FREM2: variants seen among roughly 807,000 people sequenced by gnomAD.
The protein encoded by FREM2 is FRAS1-related extracellular matrix protein 2.
FREM2 carries 119 observed loss-of-function variants against 219.9 expected under a neutral mutation model. The ratio of observed to expected loss-of-function variants is 0.54; its 90% confidence interval spans 0.47 to 0.63. FREM2 has a LOEUF of 0.63. FREM2 is among the 30% of genes least tolerant of loss of function. The probability of loss-of-function intolerance (pLI) is 0.00; values close to 1 mark genes in which losing one functional copy is unlikely to be tolerated. For synonymous variants in FREM2, 1,562 were observed against 1,522.8 expected (o/e 1.03, Z -0.60); for missense variants, 4,030 against 3,993.6 (o/e 1.01, Z -0.25).
intron 11 of FREM2, 31 bp downstream of exon 11, chr13:38,851,899 G>A (rs1323007403): frequency 6.3e-7 from 1 of 1,580,694 alleles, no homozygotes; most frequent in South Asian, 1.1e-5. Context: ...GTCTCCTGAT[G>A]GATCATGCCA....
chr13:38,877,007 G>A (rs1413403643), intron 20 of FREM2, 110 bp from the exon 21 acceptor site: 1 of 1,255,930 alleles, frequency 8.0e-7, no homozygotes. Context: ...AAATTGCGAT[G>A]CAGTGTTTAG....
intron 21 of FREM2, 140 bp downstream of exon 21, chr13:38,877,383 G>A: frequency 3.2e-6 from 3 of 941,518 alleles, no homozygotes; most frequent in Non-Finnish European, 5.2e-6. Flanking sequence ...TACCCACTCT[G>A]GCTGGTGTGG....
intron 2 of FREM2, among the ~76,000 whole-genome samples, chr13:38,758,490 G>A (rs1873102091): frequency 1.3e-5 from 2 of 152,102 alleles, no homozygotes; most frequent in South Asian, 4.1e-4. Flanking sequence ...CATTTGCCAG[G>A]CTCTAGTTTG....
chr13:38,845,723 T>G (rs1254221575), intron 6 of FREM2, among the ~76,000 whole-genome samples: 1 of 152,184 alleles, frequency 6.6e-6, no homozygotes, highest in Non-Finnish European at 1.5e-5. Context: ...TGTTTTATCA[T>G]TGGTCAGCTG....
At chr13:38,759,364 A>T (rs1431830756) in intron 2 of FREM2, among the ~76,000 whole-genome samples, 1 of 151,926 alleles carries the variant, frequency 6.6e-6, no homozygotes, top group East Asian at 1.9e-4. Flanking sequence ...CATATTATTG[A>T]AGATTAAATG....
chr13:38,823,213 G>A (rs146674754), intron 6 of FREM2, among the ~76,000 whole-genome samples: 6 of 151,228 alleles, frequency 4.0e-5, no homozygotes, highest in South Asian at 2.1e-4. Context: ...ATTTTTCCTC[G>A]TCTGAACTGC....
intron 6 of FREM2, among the ~76,000 whole-genome samples, chr13:38,816,948 C>T (rs1348990923): frequency 1.3e-5 from 2 of 151,836 alleles, no homozygotes; most frequent in Non-Finnish European, 2.9e-5. Context: ...AAAAAGAAAT[C>T]AAGAAAACAG....
rs138971246 is a variant in FREM2, at chr13:38,704,428, G to A, written c.5263+6641G>A. On this transcript the variant is annotated intron_variant, in intron 2 of 23. Coordinates refer to ENST00000280481, the MANE Select transcript of FREM2 (RefSeq NM_207361.6). ...AAGGCACCTGAAAGGTGGTATTTAA[G>A]TATAGACTTAGGACAGGATGAAGCT... 7.9e-4 allele frequency among the ~76,000 whole-genome samples: 121 copies of A among 152,326 alleles called. 1 individual carries two copies. The highest frequency in any genetic ancestry group is 2.7e-3 in the African/African-American group (111 of 41,590).
chr13:38,872,713 T>G, intron 16 of FREM2, 29 bp from the exon 17 acceptor site: 1 of 1,594,158 alleles, frequency 6.3e-7, no homozygotes, highest in Non-Finnish European at 8.6e-7. Flanking sequence ...CACTGAGTCA[T>G]GTTGATTGAT....
chr13:38,690,385 T>TG lies in FREM2; in HGVS notation c.3041_3042insG (p.Val1015CysfsTer8). On this transcript the variant is annotated frameshift_variant, in exon 1 of 24. Coordinates refer to ENST00000280481, the MANE Select transcript of FREM2 (RefSeq NM_207361.6). LOFTEE classifies it high-confidence loss of function. ...CAAAGGGACATCTTGGAGGGCTCTGTTGTATATACCCACACCAGTGGTGAG... is the reference window on the plus strand; with the variant it reads ...CAAAGGGACATCTTGGAGGGCTCTGTGTGTATATACCCACACCAGTGGTGAG... 6.2e-7 allele frequency: 1 copy of TG among 1,613,810 alleles called. No individual in the cohort carries two copies. The highest frequency in any genetic ancestry group is 8.5e-7 in the Non-Finnish European group (1 of 1,180,008).
Position 38,690,952 on chromosome 13 carries a change from G to C in FREM2, c.3608G>C (p.Gly1203Ala), listed in dbSNP as rs1023192727. Residue 1203 changes from glycine (G) to alanine (A), a missense_variant, in exon 1 of 24, where the codon GGC becomes GCC. Gly to Ala is a moderately conservative substitution (Grantham distance 60, BLOSUM62 0). Around this residue, in one of 2 missense-constraint regions of FREM2, gnomAD observed 3,102 missense variants for 2,950.7 expected, o/e 1.05. Coordinates refer to ENST00000280481, the MANE Select transcript of FREM2 (RefSeq NM_207361.6). ...MFMREFMVME[G>A]MSLVIDTPIL... ...ATGAGAGAATTTATGGTGATGGAAG[G>C]CATGAGTCTGGTAATTGATACACCC... The C allele has an allele frequency of 6.2e-7, 1 of 1,614,154 alleles. No individual in the cohort carries two copies. The highest frequency in any genetic ancestry group is 1.3e-5 in the African/African-American group (1 of 75,046).
intron 6 of FREM2, among the ~76,000 whole-genome samples, chr13:38,802,419 G>A (rs768770087): frequency 3.3e-5 from 5 of 151,666 alleles, no homozygotes; most frequent in Non-Finnish European, 5.9e-5. Context: ...AGGGCATAAC[G>A]CAGGCCTTTG....
chr13:38,830,306 C>G (rs541132274), intron 6 of FREM2, among the ~76,000 whole-genome samples: 1 of 152,276 alleles, frequency 6.6e-6, no homozygotes, highest in East Asian at 1.9e-4. Flanking sequence ...CCCAGTCATC[C>G]ACTTTGATAC....
chr13:38,692,570 T>C (rs1869941370), intron 1 of FREM2, 53 bp downstream of exon 1: 3 of 1,583,728 alleles, frequency 1.9e-6, no homozygotes, highest in Non-Finnish European at 2.6e-6. Flanking sequence ...GAATGTGGCT[T>C]CACTAAAAGC....
At chr13:38,770,339 T>C (rs1873613506) in intron 4 of FREM2, among the ~76,000 whole-genome samples, 1 of 151,732 alleles carries the variant, frequency 6.6e-6, no homozygotes. Flanking sequence ...ATTACAGGTA[T>C]GAGACACTGT....
intron 16 of FREM2, among the ~76,000 whole-genome samples, chr13:38,865,528 C>A (rs9576630): frequency 6.6e-6 from 1 of 151,980 alleles, no homozygotes; most frequent in Non-Finnish European, 1.5e-5. Context: ...TTAGGCTGCC[C>A]TTTTTTGTGC....
chr13:38,716,017 T>G (rs962796318), intron 2 of FREM2, among the ~76,000 whole-genome samples: 2 of 152,188 alleles, frequency 1.3e-5, no homozygotes, highest in Non-Finnish European at 2.9e-5. Context: ...AGAGTTGATT[T>G]ACGCCAGAGT....
intron 23 of FREM2, among the ~76,000 whole-genome samples, chr13:38,880,047 T>C (rs952185344): frequency 6.6e-6 from 1 of 152,218 alleles, no homozygotes; most frequent in African/African-American, 2.4e-5. Flanking sequence ...TAGAACTCTC[T>C]CATTCTATGA....
chr13:38,870,728 C>G (rs934881162), intron 16 of FREM2, among the ~76,000 whole-genome samples: 1 of 152,074 alleles, frequency 6.6e-6, no homozygotes, highest in African/African-American at 2.4e-5. Context: ...TGATCAAGCT[C>G]TAGTTTACCA....
Sources: allele counts gnomAD v4.1 joint callset (sites outside exome capture counted in the v4.1 genomes callset), GRCh38; gene constraint gnomAD v4.1.1; regional missense constraint gnomAD v4.1.1; transcripts MANE v1.5; gene names NCBI Gene and HGNC (gene_info 2026-07-23, HGNC 2026-07-21).